TRIM10: variants seen among roughly 807,000 people sequenced by gnomAD.
The protein encoded by TRIM10 is tripartite motif-containing protein 10.
TRIM10 carries 42 observed loss-of-function variants against 40.0 expected under a neutral mutation model. That is an observed-to-expected ratio of 1.05 (90% CI 0.82 to 1.36). The LOEUF (loss-of-function observed/expected upper bound fraction) is 1.36. Among genes scored for constraint, TRIM10 ranks in the 40% most tolerant of loss-of-function variants. The pLI is 0.00. For missense variants in TRIM10, 601 were observed against 608.3 expected (o/e 0.99, Z 0.13); for synonymous variants, 260 against 239.5 (o/e 1.09, Z -0.79).
At chr6:30,157,166 GT>G in intron 4 of TRIM10, 112 bp from the exon 5 acceptor site, 1 of 1,205,006 alleles carries the variant, frequency 8.3e-7, no homozygotes, top group Non-Finnish European at 1.2e-6. Context: ...GCAGGCAGAC[GT>G]ACTTCCTCTA....
At position 30,161,036 on chromosome 6, in the gene TRIM10, C is replaced by A; in HGVS notation, c.-178G>T. The A allele has an allele frequency of 1.6e-6, 1 of 643,692 alleles. No homozygotes were observed. The highest frequency in any genetic ancestry group is 2.0e-5 in the South Asian group (1 of 49,326). 39.9% of individuals were successfully genotyped at this position (643,692 alleles called of 1,614,324 possible). ...CATCTCTGGCAGCCAGGGTTCTATT[C>A]TCCTGCCAACAGCAGAGATGGGAAA... On this transcript the variant is annotated 5_prime_UTR_variant, in exon 1 of 7. The change creates a premature stop within an existing upstream ORF in the 5' untranslated region. Coordinates refer to ENST00000449742, the MANE Select transcript of TRIM10 (RefSeq NM_006778.4).
chr6:30,155,532 A>ACACACACAC (rs1554187866), intron 6 of TRIM10, among the ~76,000 whole-genome samples, 195 bp downstream of exon 6: 4 of 152,104 alleles, frequency 2.6e-5, no homozygotes, highest in South Asian at 2.1e-4. Context: ...ACACACACAC[A>ACACACACAC]ACCTATATAT....
chr6:30,152,394 T>C lies in TRIM10; in HGVS notation c.*1575A>G, dbSNP rs1197595930. 1 of 152,214 alleles carries C rather than the reference T, an allele frequency of 6.6e-6. No individual in the cohort carries two copies. The highest frequency in any genetic ancestry group is 2.4e-5 in the African/African-American group (1 of 41,448). The allele number at this position is 152,214 out of a possible 1,614,324, so 9.4% of individuals were successfully genotyped here. ...ACAGGTTTGGGTGCTTTGGATATGT[T>C]TTATCATTATATAGGCACTTGTGTG... On this transcript the variant is annotated 3_prime_UTR_variant, in exon 7 of 7. Coordinates refer to ENST00000449742, the MANE Select transcript of TRIM10 (RefSeq NM_006778.4).
chr6:30,158,387 T>C lies in TRIM10; in HGVS notation c.756+12A>G. ...CAGCACAGGTGGGGCAGGGTTCCGG[T>C]TCAGGCCTCACCGTCAGGAGCTCCC... On this transcript the variant is annotated intron_variant, in intron 3 of 6. Transcript: ENST00000449742. 1 of 1,610,544 alleles carries C rather than the reference T, an allele frequency of 6.2e-7. No individual in the cohort carries two copies. Among genetic ancestry groups the C allele is most frequent in the Non-Finnish European group, 8.5e-7 (1 of 1,177,838 alleles).
At position 30,154,008 on chromosome 6, in the gene TRIM10, C is replaced by T. The variant is rs80173906; in HGVS notation, c.1407G>A (p.Gly469=). 3.7e-4 allele frequency: 597 copies of T among 1,608,242 alleles called. 9 individuals carry two copies. The East Asian group carries it at 0.011, about 31-fold the overall frequency. Residue 469 remains glycine, a synonymous_variant, in exon 7 of 7, where the codon GGG becomes GGA. Coordinates refer to ENST00000449742, the MANE Select transcript of TRIM10 (RefSeq NM_006778.4). ...AGAAACTGGACCCTCGGCCCCAGAG[C>T]CCAAAGAAGGGAATGACCTTCCTAG... ...SFTRKVIPFF[G]LWGRGSSFSL...
Position 30,160,924 on chromosome 6 carries a change from G to C in TRIM10, c.-66C>G. On this transcript the variant is annotated 5_prime_UTR_variant, in exon 1 of 7. Transcript: ENST00000449742. ...TGCTTGGCCACGGGGGAAGGGCTGG[G>C]TCACACACTCACACACCCACACATG... The C allele has an allele frequency of 6.8e-7, 1 of 1,474,192 alleles. No individual in the cohort carries two copies. Among genetic ancestry groups the C allele is most frequent in the Non-Finnish European group, 9.0e-7 (1 of 1,105,410 alleles). The allele number at this position is 1,474,192 out of a possible 1,614,324, so 91.3% of individuals were successfully genotyped here. A position where few individuals can be genotyped will look rare whatever the true frequency, so the allele number is the denominator to read the frequency against.
intron 6 of TRIM10, chr6:30,154,796 G>C (rs1453903470): frequency 1.5e-6 from 1 of 659,090 alleles, no homozygotes; most frequent in African/African-American, 1.8e-5. Context: ...ACCGCAAGTT[G>C]GCTGGTTTCC....
chr6:30,159,315 C>T, intron 1 of TRIM10, 70 bp from the exon 2 acceptor site: 1 of 1,115,920 alleles, frequency 9.0e-7, no homozygotes, highest in South Asian at 1.3e-5. Context: ...TCATCTGACC[C>T]TCTGCCTCCA....
chr6:30,155,299 C>G (rs1772424391), intron 6 of TRIM10, among the ~76,000 whole-genome samples: 1 of 151,772 alleles, frequency 6.6e-6, no homozygotes, highest in African/African-American at 2.4e-5. Flanking sequence ...TGAGAGGAAG[C>G]AGGGGTTCCT....
At chr6:30,158,212 G>C (rs1481300492) in intron 3 of TRIM10, among the ~76,000 whole-genome samples, 187 bp downstream of exon 3, 1 of 152,200 alleles carries the variant, frequency 6.6e-6, no homozygotes, top group East Asian at 1.9e-4. Flanking sequence ...GTGGAGACCA[G>C]AGAGCAAAAA....
Position 30,153,635 on chromosome 6 carries a change from T to A in TRIM10, c.*334A>T, listed in dbSNP as rs1411157628. ...CCTTGTTTAAAGTCATACAACTGGT[T>A]GACAGGCTGGTTCAAGAACCCAGGT... is the stretch of plus-strand genomic sequence containing the variant. On this transcript the variant is annotated 3_prime_UTR_variant, in exon 7 of 7. Transcript: ENST00000449742. 1 of 1,495,940 alleles carries A rather than the reference T, an allele frequency of 6.7e-7. No homozygotes were observed. Among genetic ancestry groups the A allele is most frequent in the African/African-American group, 1.4e-5 (1 of 72,744 alleles). The allele number at this position is 1,495,940 out of a possible 1,614,324, so 92.7% of individuals were successfully genotyped here. A position where few individuals can be genotyped will look rare whatever the true frequency, so the allele number is the denominator to read the frequency against.
chr6:30,154,272 C>CA lies in TRIM10; in HGVS notation c.1142dup (p.Val383ArgfsTer54). The CA allele has an allele frequency of 6.2e-7, 1 of 1,612,804 alleles. No homozygotes were observed. Among genetic ancestry groups the CA allele is most frequent in the African/African-American group, 1.3e-5 (1 of 75,058 alleles). ...GCTGCACATCCTCGCTCACCACGCC[C>CA]ACGGTGCAGCTGCCCCCATGGGCCA... On this transcript the variant is annotated frameshift_variant, in exon 7 of 7. Transcript: ENST00000449742. LOFTEE classifies it high-confidence loss of function.
chr6:30,154,337 T>C lies in TRIM10; in HGVS notation c.1078A>G (p.Ile360Val), dbSNP rs1186748207. 6.2e-7 allele frequency: 1 copy of C among 1,612,956 alleles called. No individual in the cohort carries two copies. Among genetic ancestry groups the C allele is most frequent in the African/African-American group, 1.3e-5 (1 of 74,928 alleles). Reference sequence around the variant, plus strand: ...ACCCACGTGTGTCTCCCCCCTGTGATGCCAGTGTGGGCCAGAACACAGGTG... The same window carrying C: ...ACCCACGTGTGTCTCCCCCCTGTGACGCCAGTGTGGGCCAGAACACAGGTG... Reference protein sequence around the residue: ...RATCVLAHTGITGGRHTWVVS... With the variant: ...RATCVLAHTGVTGGRHTWVVS... Residue 360 changes from isoleucine (I) to valine (V), a missense_variant, in exon 7 of 7, where the codon ATC (isoleucine) becomes GTC (valine). Transcript: ENST00000449742.
chr6:30,158,383 C>T lies in TRIM10; in HGVS notation c.756+16G>A. The T allele has an allele frequency of 6.2e-7, 1 of 1,608,238 alleles. No homozygotes were observed. Among genetic ancestry groups the T allele is most frequent in the Admixed American group, 1.7e-5 (1 of 60,018 alleles). On this transcript the variant is annotated intron_variant, in intron 3 of 6. Transcript: ENST00000449742. ...AGGACAGCACAGGTGGGGCAGGGTT[C>T]CGGTTCAGGCCTCACCGTCAGGAGC...
chr6:30,153,883 A>C lies in TRIM10; in HGVS notation c.*86T>G. 1 of 1,590,216 alleles carries C rather than the reference A, an allele frequency of 6.3e-7. No individual in the cohort carries two copies. The highest frequency in any genetic ancestry group is 8.6e-7 in the Non-Finnish European group (1 of 1,166,160). ...CAGTCATTTCTATTCCAAGTCATCCAGGTGATTCAGCCAGGGATCAAGTCC... is the reference window on the plus strand; with the variant it reads ...CAGTCATTTCTATTCCAAGTCATCCCGGTGATTCAGCCAGGGATCAAGTCC... On this transcript the variant is annotated 3_prime_UTR_variant, in exon 7 of 7. Coordinates refer to ENST00000449742, the MANE Select transcript of TRIM10 (RefSeq NM_006778.4).
At chr6:30,163,795 G>A, upstream of TRIM10, 3 of 1,612,894 alleles carry the variant, frequency 1.9e-6, no homozygotes, top group Non-Finnish European at 2.5e-6. Flanking sequence ...CCTTCTGCCG[G>A]CTCTGCCTCC....
Position 30,160,827 on chromosome 6 carries a change from G to A in TRIM10, c.32C>T (p.Ala11Val), listed in dbSNP as rs762929901. Residue 11 changes from alanine to valine, a missense_variant, in exon 1 of 7, where the codon GCA becomes GTA. Ala to Val is a moderately conservative substitution (Grantham distance 64). Coordinates refer to ENST00000449742, the MANE Select transcript of TRIM10 (RefSeq NM_006778.4). ...ACAGATGGGGCAGTTGACTTCATCTGCCAGGCTGGTCACAGAGGCAGCAGA... is the reference window on the plus strand; with the variant it reads ...ACAGATGGGGCAGTTGACTTCATCTACCAGGCTGGTCACAGAGGCAGCAGA... The part of the protein sequence containing the change: MASAASVTSL[A>V]DEVNCPICQG... 1 of 1,612,730 alleles carries A rather than the reference G, an allele frequency of 6.2e-7. No individual in the cohort carries two copies. Among genetic ancestry groups the A allele is most frequent in the East Asian group, 2.2e-5 (1 of 44,860 alleles).
Position 30,154,226 on chromosome 6 carries a change from G to T in TRIM10, c.1189C>A (p.Arg397=). ...ACAGCCCACACCCCCTCCTCTGGCC[G>T]CAGCCGAAGCTCCCCCTTCCGCTGC... The part of the protein sequence containing the change: ...DVQRKGELRL[R]PEEGVWAVRL... The change falls in exon 7 of 7, where the codon CGG becomes AGG. Residue 397 remains arginine, a synonymous_variant. Transcript: ENST00000449742. The T allele has an allele frequency of 1.9e-6, 3 of 1,612,694 alleles. No homozygotes were observed. The highest frequency in any genetic ancestry group is 2.5e-6 in the Non-Finnish European group (3 of 1,179,864).
rs1447219480 is a variant in TRIM10 at position 30,154,292 on chromosome 6, G to T, written c.1123C>A (p.His375Asn). 6.2e-7 allele frequency: 1 copy of T among 1,613,072 alleles called. No homozygotes were observed. The highest frequency in any genetic ancestry group is 8.5e-7 in the Non-Finnish European group (1 of 1,180,018). The change falls in exon 7 of 7, where the codon CAT becomes AAT. Residue 375 changes from histidine (H) to asparagine (N), a missense_variant. Coordinates refer to ENST00000449742, the MANE Select transcript of TRIM10 (RefSeq NM_006778.4). ...ACGCCCACGGTGCAGCTGCCCCCAT[G>T]GGCCAGGTCTATACTCACCACCCAC... ...HTWVVSIDLA[H>N]GGSCTVGVVS...
Sources: allele counts gnomAD v4.1 joint callset (sites outside exome capture counted in the v4.1 genomes callset), GRCh38; gene constraint gnomAD v4.1.1; transcripts MANE v1.5; gene names NCBI Gene and HGNC (gene_info 2026-07-23, HGNC 2026-07-21).